Variants in ZNF143 observed in about 807,000 individuals in gnomAD.
The protein encoded by ZNF143 is zinc finger protein 143, also known as SPH-binding factor.
A neutral mutation model predicts 74.1 loss-of-function variants in ZNF143; 49 were observed. That is an observed-to-expected ratio of 0.66 (90% CI 0.53 to 0.84). ZNF143 has a LOEUF of 0.84. Among genes scored for constraint, ZNF143 ranks in the 40% least tolerant of loss-of-function variants. The pLI is 0.00. For synonymous variants in ZNF143, 304 were observed against 282.8 expected, an observed-to-expected ratio of 1.07 and a Z score of -0.75; for missense variants, 637 against 793.4, an observed-to-expected ratio of 0.80 and a Z score of 2.37.
chr11:9,514,130 T>G (rs1848645315), intron 13 of ZNF143, among the ~76,000 whole-genome samples: 1 of 152,182 alleles, frequency 6.6e-6, no homozygotes, highest in Non-Finnish European at 1.5e-5. Context: ...ACTCCTGGCC[T>G]CAGGTGATCC....
intron 14 of ZNF143, among the ~76,000 whole-genome samples, chr11:9,523,491 TG>T (rs1330635370): frequency 6.6e-6 from 1 of 152,064 alleles, no homozygotes; most frequent in Non-Finnish European, 1.5e-5. Context: ...CCCAGCACTT[TG>T]GGAGGCTGAG....
chr11:9,472,620 T>G (rs1263149399), intron 2 of ZNF143, 57 bp from the exon 3 acceptor site: 2 of 1,434,268 alleles, frequency 1.4e-6, no homozygotes, highest in Admixed American at 2.0e-5. Flanking sequence ...AAAAAAAAAT[T>G]AATCAGCATG....
chr11:9,466,380 A>C (rs1033167573), intron 1 of ZNF143, among the ~76,000 whole-genome samples: 2 of 148,146 alleles, frequency 1.4e-5, no homozygotes, highest in Non-Finnish European at 3.0e-5. Flanking sequence ...ACTGCAACCT[A>C]CGTCTCCCGG....
In ZNF143 at chr11:9,486,414, TA is replaced by T. The variant is rs1565039168; in HGVS notation, c.645+6869del. On this transcript the variant is annotated intron_variant, in intron 7 of 15. Transcript: ENST00000396602. ...TATATATAATATATTATATATATAATATATATTATATATATTATATATATAA... is the reference window on the plus strand; with the variant it reads ...TATATATAATATATTATATATATAATTATATTATATATATTATATATATAA... 1.5e-3 allele frequency among the ~76,000 whole-genome samples: 37 copies of T among 24,020 alleles called. 1 individual carries two copies. Among genetic ancestry groups the T allele is most frequent in the Non-Finnish European group, 2.1e-3 (28 of 13,050 alleles). The allele number at this position is 24,020 out of a possible 152,430, so 15.8% of individuals were successfully genotyped here.
intron 15 of ZNF143, among the ~76,000 whole-genome samples, chr11:9,526,260 G>A (rs1168229355): frequency 2.0e-5 from 3 of 152,034 alleles, no homozygotes; most frequent in Admixed American, 2.0e-4. Context: ...TGGCTGAGGT[G>A]GAAGGATCAC....
chr11:9,496,701 A>G (rs1166424253), intron 9 of ZNF143, among the ~76,000 whole-genome samples: 1 of 151,722 alleles, frequency 6.6e-6, no homozygotes, highest in Non-Finnish European at 1.5e-5. Context: ...GGTTCAAGCA[A>G]TTCTAGTGCC....
intron 7 of ZNF143, among the ~76,000 whole-genome samples, chr11:9,486,288 A>G (rs776650517): frequency 1.4e-4 from 18 of 124,860 alleles, no homozygotes; most frequent in Admixed American, 3.1e-4. Flanking sequence ...TCTTGTATCT[A>G]CCTCTGGAAT....
chr11:9,487,264 G>T lies in ZNF143; in HGVS notation c.646-7382G>T, dbSNP rs577484346. 4.9e-4 allele frequency among the ~76,000 whole-genome samples: 75 copies of T among 151,764 alleles called. 7 individuals are homozygous for T. Among genetic ancestry groups the T allele is most frequent in the African/African-American group, 1.8e-3 (72 of 41,068 alleles). The stretch of plus-strand genomic sequence containing the variant: ...TTACAGGCGTGAGCCACAGCACCTG[G>T]CCACAGTATGTCCTTTATAGACAGG... On this transcript the variant is annotated intron_variant, in intron 7 of 15. Coordinates refer to ENST00000396602, the MANE Select transcript of ZNF143 (RefSeq NM_003442.6).
chr11:9,490,926 T>A (rs1367331754), intron 7 of ZNF143, among the ~76,000 whole-genome samples: 1 of 152,042 alleles, frequency 6.6e-6, no homozygotes, highest in Non-Finnish European at 1.5e-5. Context: ...GAGATGGGGT[T>A]CCCCCCATGT....
intron 5 of ZNF143, among the ~76,000 whole-genome samples, chr11:9,476,744 A>ATGTTTT (rs1465968655): frequency 2.2e-5 from 1 of 45,988 alleles, no homozygotes; most frequent in Non-Finnish European, 5.1e-5. Flanking sequence ...AAAGGGAGGA[A>ATGTTTT]TCTTTTTTTT....
At chr11:9,473,509 A>G (rs1043787752) in intron 3 of ZNF143, among the ~76,000 whole-genome samples, 6 of 152,174 alleles carry the variant, frequency 3.9e-5, no homozygotes, top group African/African-American at 7.2e-5. Flanking sequence ...ATGGAAACCT[A>G]CTGAGCACAT....
intron 11 of ZNF143, 73 bp from the exon 12 acceptor site, chr11:9,508,546 C>G: frequency 7.0e-7 from 1 of 1,422,852 alleles, no homozygotes. Context: ...TATTTTACCC[C>G]CTGGGGGGGA....
At chr11:9,468,797 A>G (rs969273941) in intron 1 of ZNF143, among the ~76,000 whole-genome samples, 2 of 152,128 alleles carry the variant, frequency 1.3e-5, no homozygotes, top group Admixed American at 6.6e-5. Flanking sequence ...GGGTCCTGCC[A>G]CTGCAGTCCA....
Position 9,497,684 on chromosome 11 carries a change from T to G in ZNF143, c.851T>G (p.Leu284Ter). The G allele has an allele frequency of 6.3e-7, 1 of 1,598,924 alleles. No individual in the cohort carries two copies. Among genetic ancestry groups the G allele is most frequent in the Non-Finnish European group, 8.5e-7 (1 of 1,171,028 alleles). Residue 284 changes from leucine to a stop codon, truncating the protein, a stop_gained, in exon 10 of 16, where the codon TTA becomes TGA. Coordinates refer to ENST00000396602, the MANE Select transcript of ZNF143 (RefSeq NM_003442.6). LOFTEE classifies it high-confidence loss of function. ...TAATTTTTTCTTAAAGGTTATGGATTAAAAAGTCACGTCAGAACTCATACA... is the reference window on the plus strand; with the variant it reads ...TAATTTTTTCTTAAAGGTTATGGATGAAAAAGTCACGTCAGAACTCATACA... ...CGKAFATGYG[L>*]KSHVRTHTGE...
Position 9,484,657 on chromosome 11 carries a change from C to T in ZNF143, c.645+5111C>T, listed in dbSNP as rs567434412. On this transcript the variant is annotated intron_variant, in intron 7 of 15. Transcript: ENST00000396602. Reference sequence around the variant, plus strand: ...TTTTTGAGATGGAGTCTCACTCTGTCGCCCAAGCTGAAGTGCAATGGCCTG... The same window carrying T: ...TTTTTGAGATGGAGTCTCACTCTGTTGCCCAAGCTGAAGTGCAATGGCCTG... 4.9e-5 allele frequency among the ~76,000 whole-genome samples: 7 copies of T among 144,124 alleles called. 1 individual carries two copies. Among genetic ancestry groups the T allele is most frequent in the African/African-American group, 1.3e-4 (5 of 37,842 alleles). The allele number at this position is 144,124 out of a possible 152,430, so 94.6% of individuals were successfully genotyped here.
At chr11:9,521,572 T>TTTTTTTTTGG (rs1848930272) in intron 14 of ZNF143, among the ~76,000 whole-genome samples, 1 of 148,034 alleles carries the variant, frequency 6.8e-6, no homozygotes, top group Non-Finnish European at 1.5e-5. Context: ...TTTTTTTTTG[T>TTTTTTTTTGG]TTTTTTTTTG....
At chr11:9,505,420 T>C (rs1372370545) in intron 11 of ZNF143, among the ~76,000 whole-genome samples, 1 of 151,684 alleles carries the variant, frequency 6.6e-6, no homozygotes, top group Non-Finnish European at 1.5e-5. Context: ...CAGGCGCATG[T>C]CATCACGCTG....
chr11:9,473,883 G>A (rs1484430167), intron 3 of ZNF143, 58 bp from the exon 4 acceptor site: 2 of 1,612,604 alleles, frequency 1.2e-6, no homozygotes, highest in Non-Finnish European at 1.7e-6. Flanking sequence ...TTTTGAAATT[G>A]TATAAAGTTT....
chr11:9,483,371 C>T (rs1847328391), intron 7 of ZNF143, among the ~76,000 whole-genome samples: 1 of 134,120 alleles, frequency 7.5e-6, no homozygotes, highest in African/African-American at 2.9e-5. Flanking sequence ...GATCTCAGCT[C>T]ACTACAACCT....
Sources: gnomAD v4.1 joint callset for allele counts (sites outside exome capture counted in the v4.1 genomes callset) on GRCh38, gnomAD v4.1.1 for gene constraint, MANE v1.5 for transcripts, NCBI Gene and HGNC (gene_info 2026-07-23, HGNC 2026-07-21) for gene names.